SMYD3: variants seen among roughly 807,000 people sequenced by gnomAD.
The protein encoded by SMYD3 is SET and MYND domain containing 3.
SMYD3 carries 36 observed loss-of-function variants against 57.7 expected under a neutral mutation model. The ratio of observed to expected loss-of-function variants is 0.62; its 90% confidence interval spans 0.48 to 0.82. The LOEUF is 0.82. Ranked by LOEUF, SMYD3 falls within the 40% of genes least tolerant of loss-of-function variation. The pLI, the probability that SMYD3 is intolerant of heterozygous loss-of-function variation, is 0.00. For synonymous variants in SMYD3, 211 were observed against 195.0 expected (o/e 1.08, Z -0.68); for missense variants, 515 against 538.8 (o/e 0.96, Z 0.44).
chr1:246,490,815 C>A (rs1242803217), intron 1 of SMYD3, among the ~76,000 whole-genome samples: 1 of 152,082 alleles, frequency 6.6e-6, no homozygotes, highest in Non-Finnish European at 1.5e-5. Context: ...TGCAGTGAGC[C>A]ATGATCATGC....
intron 5 of SMYD3, among the ~76,000 whole-genome samples, chr1:246,152,481 C>G (rs779517565): frequency 2.0e-5 from 3 of 152,212 alleles, no homozygotes; most frequent in Non-Finnish European, 2.9e-5. Context: ...CCACCTCAGT[C>G]TAGCTGCTCA....
intron 10 of SMYD3, among the ~76,000 whole-genome samples, chr1:245,799,108 CAG>C (rs112638409): frequency 3.3e-4 from 50 of 152,344 alleles, no homozygotes; most frequent in African/African-American, 1.1e-3. Context: ...TAAATGCTCC[CAG>C]AGAGGAATCA....
chr1:246,389,818 G>A (rs1367725201), intron 1 of SMYD3, among the ~76,000 whole-genome samples: 1 of 149,224 alleles, frequency 6.7e-6, no homozygotes, highest in Non-Finnish European at 1.5e-5. Flanking sequence ...AGTTTCTGGG[G>A]ACCTCCTTGT....
chr1:246,116,934 T>G (rs1316636874), intron 5 of SMYD3, among the ~76,000 whole-genome samples: 2 of 152,162 alleles, frequency 1.3e-5, no homozygotes, highest in East Asian at 3.8e-4. Flanking sequence ...TCAAAAGGCA[T>G]TAACTCCCCT....
At chr1:246,494,607 T>G (rs1044925277) in intron 1 of SMYD3, among the ~76,000 whole-genome samples, 2 of 152,234 alleles carry the variant, frequency 1.3e-5, no homozygotes, top group Non-Finnish European at 2.9e-5. Flanking sequence ...AAAATTAAAC[T>G]GCCCAGAGAA....
At chr1:246,040,686 T>C (rs35035147) in intron 5 of SMYD3, among the ~76,000 whole-genome samples, 9,278 of 152,314 alleles carry the variant, frequency 0.061, 325 homozygotes, top group Non-Finnish European at 0.067. Flanking sequence ...CCGTATCTCC[T>C]TTCATTTGAA....
intron 5 of SMYD3, among the ~76,000 whole-genome samples, chr1:246,106,892 G>A (rs755466699): frequency 6.6e-6 from 1 of 152,098 alleles, no homozygotes; most frequent in Non-Finnish European, 1.5e-5. Flanking sequence ...TAAACTCTCC[G>A]AAACACTGTT....
chr1:246,274,447 C>G lies in SMYD3; in HGVS notation c.531+52754G>C, dbSNP rs12041136. On this transcript the variant is annotated intron_variant, in intron 5 of 11. Transcript: ENST00000490107. The stretch of plus-strand genomic sequence containing the variant: ...ACTGACATTCAACCCAGTGTTTTAT[C>G]TGGGGCTCTGCTTCAGGCCACTGTT... Among the ~76,000 whole-genome samples the G allele has an allele frequency of 4.6e-4, 70 of 152,302 alleles. No homozygotes were observed. In the East Asian group the frequency reaches 0.013, roughly 29 times the overall value.
In SMYD3 at chr1:245,858,634, A is replaced by C; in HGVS notation, c.938T>G (p.Ile313Arg). Residue 313 changes from isoleucine (I) to arginine (R), a missense_variant, in exon 10 of 12, where the codon ATA (isoleucine) becomes AGA (arginine). Ile to Arg is a moderately conservative substitution (Grantham distance 97, BLOSUM62 -3). Coordinates refer to ENST00000490107, the MANE Select transcript of SMYD3 (RefSeq NM_001167740.2). ...GGGAAGCCGTTCAGAATTGCTGCTT[A>C]TGATTGCCTGGCACATGGCCAGAAC... ...EQVLAMCQAI[I>R]SSNSERLPDI... 11 of 1,614,272 alleles carry C rather than the reference A, an allele frequency of 6.8e-6. No homozygotes were observed. Among genetic ancestry groups the C allele is most frequent in the Non-Finnish European group, 9.3e-6 (11 of 1,180,038 alleles).
intron 5 of SMYD3, among the ~76,000 whole-genome samples, chr1:246,053,534 A>G (rs1028836264): frequency 6.6e-6 from 1 of 152,240 alleles, no homozygotes; most frequent in African/African-American, 2.4e-5. Flanking sequence ...TCTCCAACAA[A>G]GATGAAAAGG....
intron 5 of SMYD3, among the ~76,000 whole-genome samples, chr1:246,232,139 T>C (rs1011496098): frequency 6.6e-6 from 1 of 152,160 alleles, no homozygotes; most frequent in African/African-American, 2.4e-5. Flanking sequence ...ATATTTGTAA[T>C]AAATCCAATG....
At chr1:245,911,825 T>C (rs1335691436) in intron 8 of SMYD3, among the ~76,000 whole-genome samples, 1 of 151,984 alleles carries the variant, frequency 6.6e-6, no homozygotes, top group South Asian at 2.1e-4. Flanking sequence ...AGCTGCACAA[T>C]AGGGCAACTA....
rs529586463 is a variant in SMYD3 at position 245,946,898 on chromosome 1, C to T, written c.532-16961G>A. Among the ~76,000 whole-genome samples the T allele has an allele frequency of 1.1e-4, 16 of 152,308 alleles. No individual in the cohort carries two copies. In the South Asian group the frequency reaches 3.1e-3, roughly 30 times the overall value. ...CTAATTTTGACAAATTTTAGCCTTCCTCAGCCAAAGATTATTTTCCTGACT... is the reference window on the plus strand; with the variant it reads ...CTAATTTTGACAAATTTTAGCCTTCTTCAGCCAAAGATTATTTTCCTGACT... On this transcript the variant is annotated intron_variant, in intron 5 of 11. Transcript: ENST00000490107.
chr1:245,789,466 A>T (rs933816258), intron 10 of SMYD3, among the ~76,000 whole-genome samples: 2 of 152,244 alleles, frequency 1.3e-5, no homozygotes, highest in Non-Finnish European at 2.9e-5. Context: ...CTAAGAAGAA[A>T]GCCACAGTCA....
chr1:246,306,570 A>C (rs962946549), intron 5 of SMYD3, among the ~76,000 whole-genome samples: 2 of 152,214 alleles, frequency 1.3e-5, no homozygotes, highest in Non-Finnish European at 2.9e-5. Flanking sequence ...TATAATACTT[A>C]AGAGATCACA....
At chr1:246,252,767 T>C (rs1308615590) in intron 5 of SMYD3, among the ~76,000 whole-genome samples, 6 of 152,222 alleles carry the variant, frequency 3.9e-5, no homozygotes, top group Admixed American at 1.3e-4. Context: ...AGTTATAGAC[T>C]ATGTCTGAAA....
intron 1 of SMYD3, among the ~76,000 whole-genome samples, chr1:246,421,259 T>G (rs2067138948): frequency 7.8e-6 from 1 of 127,526 alleles, no homozygotes; most frequent in African/African-American, 3.3e-5. Context: ...TTGTACCACT[T>G]TTATTTACCT....
At chr1:246,446,767 C>A (rs568211738) in intron 1 of SMYD3, among the ~76,000 whole-genome samples, 1 of 152,130 alleles carries the variant, frequency 6.6e-6, no homozygotes, top group Admixed American at 6.5e-5. Flanking sequence ...CTGTGGCTCA[C>A]GCCTGTAATC....
intron 10 of SMYD3, among the ~76,000 whole-genome samples, chr1:245,849,481 G>A (rs2050842103): frequency 6.6e-6 from 1 of 152,058 alleles, no homozygotes; most frequent in African/African-American, 2.4e-5. Context: ...GACCAAAAGG[G>A]GAGTCAGGTG....
Sources: allele counts gnomAD v4.1 joint callset (sites outside exome capture counted in the v4.1 genomes callset), GRCh38; gene constraint gnomAD v4.1.1; transcripts MANE v1.5; gene names NCBI Gene and HGNC (gene_info 2026-07-23, HGNC 2026-07-21).